The following NOLC1 variants were observed in gnomAD, a reference collection of about 807,000 sequenced individuals.
The protein encoded by NOLC1 is 140 kDa nucleolar phosphoprotein.
Under a neutral mutation model 73.4 loss-of-function variants are expected in NOLC1, and 37 were observed. The observed-to-expected ratio is 0.50, with a 90% CI of 0.39 to 0.66. The LOEUF (loss-of-function observed/expected upper bound fraction) is 0.66. NOLC1 is among the 30% of genes least tolerant of loss of function. The pLI is 0.00. For missense variants in NOLC1, 921 were observed against 838.9 expected, an observed-to-expected ratio of 1.10 and a Z score of -1.21; for synonymous variants, 327 against 302.6, an observed-to-expected ratio of 1.08 and a Z score of -0.84.
chr10:102,154,673 C>A (rs923773901), intron 1 of NOLC1, among the ~76,000 whole-genome samples: 1 of 152,036 alleles, frequency 6.6e-6, no homozygotes, highest in Non-Finnish European at 1.5e-5. Context: ...GGATTACAGG[C>A]GCCCGCCTCC....
In NOLC1 at chr10:102,161,155, C is replaced by CT. The variant is rs897854230; in HGVS notation, c.1741+65dup. On this transcript the variant is annotated intron_variant, in intron 10 of 12. Transcript: ENST00000605788. Reference sequence around the variant, plus strand: ...CCCCCAAATCAGGATGGGATATACTCTTTGAGAGTAGGGTAGTGAGAGGAG... The same window carrying CT: ...CCCCCAAATCAGGATGGGATATACTCTTTTGAGAGTAGGGTAGTGAGAGGAG... The CT allele has an allele frequency of 5.3e-6, 8 of 1,499,164 alleles. No individual in the cohort carries two copies. The African/African-American group carries it at 8.4e-5, about 16-fold the overall frequency. 92.9% of individuals were successfully genotyped at this position (1,499,164 alleles called of 1,614,324 possible).
At position 102,157,239 on chromosome 10, in the gene NOLC1, AG is replaced by A; in HGVS notation, c.228del (p.Ala78LeufsTer110). On this transcript the variant is annotated frameshift_variant, in exon 3 of 13. Transcript: ENST00000605788. LOFTEE classifies it high-confidence loss of function. Reference protein sequence around the residue: ...RKLQANGPVAKKAKKKASSSD... With the variant: ...RKLQANGPVAXKAKKKASSSD... ...TTACAGGCAAATGGACCAGTGGCTAAGAAAGCTAAGAAGAAGGCCTCATCCA... is the reference window on the plus strand; with the variant it reads ...TTACAGGCAAATGGACCAGTGGCTAAAAAGCTAAGAAGAAGGCCTCATCCA... The A allele has an allele frequency of 1.2e-6, 2 of 1,614,248 alleles. No homozygotes were observed. Among genetic ancestry groups the A allele is most frequent in the Non-Finnish European group, 1.7e-6 (2 of 1,180,040 alleles).
chr10:102,159,633 G>A, intron 7 of NOLC1, 65 bp downstream of exon 7: 1 of 1,499,410 alleles, frequency 6.7e-7, no homozygotes, highest in Non-Finnish European at 9.1e-7. Context: ...TAACCACATG[G>A]ACCTCTCCAT....
At chr10:102,157,721 A>G (rs185451185) in intron 4 of NOLC1, among the ~76,000 whole-genome samples, 166 bp downstream of exon 4, 14 of 152,286 alleles carry the variant, frequency 9.2e-5, no homozygotes, top group African/African-American at 3.1e-4. Context: ...TGAGGTCTGG[A>G]AGGGATGTGT....
rs34034390 is a variant in NOLC1, at chr10:102,155,022, AT to A, written c.121-1978del. 4.5e-3 allele frequency among the ~76,000 whole-genome samples: 587 copies of A among 131,216 alleles called. 2 individuals carry two copies. Among genetic ancestry groups the A allele is most frequent in the African/African-American group, 9.6e-3 (337 of 35,254 alleles). 86.1% of individuals were successfully genotyped at this position (131,216 alleles called of 152,430 possible). A position where few individuals can be genotyped will look rare whatever the true frequency, so the allele number is the denominator to read the frequency against. On this transcript the variant is annotated intron_variant, in intron 1 of 12. Coordinates refer to ENST00000605788, the MANE Select transcript of NOLC1 (RefSeq NM_004741.5). ...AGACATGTACCACCACACCTGGCTAATTTTTTTTTTTTTTTTTTTGTGACAG... is the reference window on the plus strand; with the variant it reads ...AGACATGTACCACCACACCTGGCTAATTTTTTTTTTTTTTTTTTGTGACAG...
In NOLC1 at chr10:102,162,330, G is replaced by T. The variant is rs2069727847; in HGVS notation, c.*61G>T. The T allele has an allele frequency of 6.1e-5, 96 of 1,574,420 alleles. No homozygotes were observed. The highest frequency in any genetic ancestry group is 8.1e-5 in the Non-Finnish European group (94 of 1,155,448). On this transcript the variant is annotated 3_prime_UTR_variant, in exon 13 of 13. Coordinates refer to ENST00000605788, the MANE Select transcript of NOLC1 (RefSeq NM_004741.5). ...CGGAGACTACTTACTTTCTCCAGTG[G>T]ACCTGGGAACCCTCAGGTCTCTAGG...
chr10:102,154,990 G>A (rs2069567223), intron 1 of NOLC1, among the ~76,000 whole-genome samples: 1 of 150,976 alleles, frequency 6.6e-6, no homozygotes, highest in Non-Finnish European at 1.5e-5. Context: ...GGGGTAGCTA[G>A]GACTACAGAC....
rs540535458 is a variant in NOLC1, at chr10:102,159,828, A to G, written c.860-68A>G. 25 of 1,415,078 alleles carry G rather than the reference A, an allele frequency of 1.8e-5. No homozygotes were observed. The Middle Eastern group carries it at 5.5e-4, about 31-fold the overall frequency. 87.7% of individuals were successfully genotyped at this position (1,415,078 alleles called of 1,614,324 possible). ...TGAAGGGGAATTAAGCTTCATTTCTACAAGAAAGTAGTATCAAAAAAAGTT... is the reference window on the plus strand; with the variant it reads ...TGAAGGGGAATTAAGCTTCATTTCTGCAAGAAAGTAGTATCAAAAAAAGTT... On this transcript the variant is annotated intron_variant, in intron 7 of 12. Coordinates refer to ENST00000605788, the MANE Select transcript of NOLC1 (RefSeq NM_004741.5).
chr10:102,159,814 T>C (rs2069668897), intron 7 of NOLC1, 82 bp from the exon 8 acceptor site: 1 of 1,372,198 alleles, frequency 7.3e-7, no homozygotes. Context: ...GAAGGGGAAT[T>C]AAGCTTCATT....
intron 1 of NOLC1, among the ~76,000 whole-genome samples, chr10:102,155,080 T>C (rs2069571188): frequency 6.8e-6 from 1 of 147,000 alleles, no homozygotes; most frequent in Admixed American, 7.1e-5. Context: ...TGGAGTGCAA[T>C]GGTGCAATCT....
At chr10:102,156,388 A>G (rs2069594232) in intron 1 of NOLC1, among the ~76,000 whole-genome samples, 1 of 151,280 alleles carries the variant, frequency 6.6e-6, no homozygotes, top group African/African-American at 2.4e-5. Context: ...CTGAGATAAC[A>G]TGAGATAACA....
chr10:102,162,335 G>C lies in NOLC1; in HGVS notation c.*66G>C, dbSNP rs1198853508. ...ACTACTTACTTTCTCCAGTGGACCT[G>C]GGAACCCTCAGGTCTCTAGGTGAGG... On this transcript the variant is annotated 3_prime_UTR_variant, in exon 13 of 13. Transcript: ENST00000605788. 7 of 1,565,942 alleles carry C rather than the reference G, an allele frequency of 4.5e-6. No individual in the cohort carries two copies. Among genetic ancestry groups the C allele is most frequent in the Non-Finnish European group, 6.1e-6 (7 of 1,149,864 alleles).
At position 102,152,449 on chromosome 10, in the gene NOLC1, C is replaced by A. The variant is rs1269425809; in HGVS notation, c.39C>A (p.Asp13Glu). ...GCATTCGCCGCGTGGTTCCCAGCGACCTGTATCCCCTCGTGCTCGGCTTCC... is the reference window on the plus strand; with the variant it reads ...GCATTCGCCGCGTGGTTCCCAGCGAACTGTATCCCCTCGTGCTCGGCTTCC... ...DAGIRRVVPSDLYPLVLGFLR... is the reference protein window; with the variant it reads ...DAGIRRVVPSELYPLVLGFLR... The change falls in exon 1 of 13, where the codon GAC becomes GAA. Residue 13 changes from aspartate (D) to glutamate (E), a missense_variant. Physicochemically the swap from Asp to Glu is conservative, Grantham distance 45 (BLOSUM62 2). Transcript: ENST00000605788. The A allele has an allele frequency of 1.2e-6, 2 of 1,613,194 alleles. No individual in the cohort carries two copies. The highest frequency in any genetic ancestry group is 1.7e-6 in the Non-Finnish European group (2 of 1,180,038).
chr10:102,153,166 G>A (rs2069534643), intron 1 of NOLC1, among the ~76,000 whole-genome samples: 1 of 152,088 alleles, frequency 6.6e-6, no homozygotes. Context: ...ACGTGACCCG[G>A]GCAGTTTATT....
chr10:102,162,096 C>T lies in NOLC1; in HGVS notation c.1942-15C>T. 1 of 1,612,742 alleles carries T rather than the reference C, an allele frequency of 6.2e-7. No individual in the cohort carries two copies. The highest frequency in any genetic ancestry group is 8.5e-7 in the Non-Finnish European group (1 of 1,179,642). ...ATGGTCCTCCTCTGTGTTAATCTCCCTCTCTACTTACCAGCGAGGTGCAGC... is the reference window on the plus strand; with the variant it reads ...ATGGTCCTCCTCTGTGTTAATCTCCTTCTCTACTTACCAGCGAGGTGCAGC... On this transcript the variant is annotated splice_polypyrimidine_tract_variant and intron_variant, in intron 12 of 12. Coordinates refer to ENST00000605788, the MANE Select transcript of NOLC1 (RefSeq NM_004741.5).
rs1009287052 is a variant in NOLC1 at position 102,161,415 on chromosome 10, A to G, written c.1742-141A>G. The G allele has an allele frequency of 2.2e-4, 144 of 664,162 alleles. 1 individual carries two copies. In the South Asian group the frequency reaches 2.7e-3, roughly 12 times the overall value. 41.1% of individuals were successfully genotyped at this position (664,162 alleles called of 1,614,324 possible). On this transcript the variant is annotated intron_variant, in intron 10 of 12. Transcript: ENST00000605788. Reference sequence around the variant, plus strand: ...CTGGCTCATTTTTTTAACTTTTTATAGAGACAGAATCTCACTATATTGCCC... The same window carrying G: ...CTGGCTCATTTTTTTAACTTTTTATGGAGACAGAATCTCACTATATTGCCC...
rs1229495905 is a variant in NOLC1 at position 102,163,444 on chromosome 10, A to G, written c.*1175A>G. 1 of 152,202 alleles carries G rather than the reference A, an allele frequency of 6.6e-6. No individual in the cohort carries two copies. Among genetic ancestry groups the G allele is most frequent in the Non-Finnish European group, 1.5e-5 (1 of 68,032 alleles). 9.4% of individuals were successfully genotyped at this position (152,202 alleles called of 1,614,324 possible). A position where few individuals can be genotyped will look rare whatever the true frequency, so the allele number is the denominator to read the frequency against. ...GTCTCCTAGTTGGTACCTGGGAGCA[A>G]TTGACATGCCCCCTTCAGAACCTTA... is the stretch of plus-strand genomic sequence containing the variant. On this transcript the variant is annotated 3_prime_UTR_variant, in exon 13 of 13. Transcript: ENST00000605788.
At chr10:102,156,449 T>C (rs900773213) in intron 1 of NOLC1, among the ~76,000 whole-genome samples, 1 of 149,922 alleles carries the variant, frequency 6.7e-6, no homozygotes, top group African/African-American at 2.5e-5. Flanking sequence ...TTTTTTGAAA[T>C]GGAGTCTTGC....
rs1396940390 is a variant in NOLC1 at position 102,160,961 on chromosome 10, G to A, written c.1609G>A (p.Gly537Ser). The A allele has an allele frequency of 3.1e-6, 5 of 1,614,016 alleles. No individual in the cohort carries two copies. Among genetic ancestry groups the A allele is most frequent in the East Asian group, 4.5e-5 (2 of 44,894 alleles). Residue 537 changes from glycine to serine, a missense_variant, in exon 10 of 13, where the codon GGC becomes AGC. Transcript: ENST00000605788. The stretch of plus-strand genomic sequence containing the variant: ...AGAGGAAGAGAAGCTCAAGGGCAAG[G>A]GCTCTCCAAGACCACAAGCCCCCAA... ...EEEEEKLKGKGSPRPQAPKAN... is the reference protein window; with the variant it reads ...EEEEEKLKGKSSPRPQAPKAN...
Sources: allele counts gnomAD v4.1 joint callset (sites outside exome capture counted in the v4.1 genomes callset), GRCh38; gene constraint gnomAD v4.1.1; transcripts MANE v1.5; gene names NCBI Gene and HGNC (gene_info 2026-07-23, HGNC 2026-07-21).